MTMR7: variants seen among roughly 807,000 people sequenced by gnomAD.
MTMR7 encodes myotubularin related protein 7.
In MTMR7, 76 loss-of-function variants were observed where a neutral mutation model predicts 81.2. The observed-to-expected ratio is 0.94, with a 90% confidence interval of 0.78 to 1.13. The LOEUF (loss-of-function observed/expected upper bound fraction) is 1.13, where lower values mean the gene tolerates loss of function less well. Among genes scored for constraint, MTMR7 ranks in the 50% most tolerant of loss-of-function variants. The probability of loss-of-function intolerance (pLI) is 0.00; values close to 1 mark genes in which losing one functional copy is unlikely to be tolerated. For synonymous variants in MTMR7, 372 were observed against 289.8 expected (o/e 1.28, Z -2.88); for missense variants, 1,044 against 820.0 (o/e 1.27, Z -3.34).
chr8:17,390,987 A>C (rs1821090011), intron 1 of MTMR7, among the ~76,000 whole-genome samples: 1 of 152,212 alleles, frequency 6.6e-6, no homozygotes. Flanking sequence ...CTTCTCTAAT[A>C]ACATAATTAG....
rs375710698 is a variant in MTMR7, at chr8:17,390,460, T to C, written c.25-17220A>G. 4.7e-4 allele frequency among the ~76,000 whole-genome samples: 71 copies of C among 152,230 alleles called. 1 individual carries two copies. The highest frequency in any genetic ancestry group is 1.6e-3 in the African/African-American group (68 of 41,542). On this transcript the variant is annotated intron_variant, in intron 1 of 13. Coordinates refer to ENST00000180173, the MANE Select transcript of MTMR7 (RefSeq NM_004686.5). The stretch of plus-strand genomic sequence containing the variant: ...CTCCCACCAGGCCCAACCGCTAACA[T>C]TGGGGATTACAATTTGGCATAAGAT...
chr8:17,403,221 T>C (rs182091018), intron 1 of MTMR7, among the ~76,000 whole-genome samples: 1 of 152,362 alleles, frequency 6.6e-6, no homozygotes, highest in East Asian at 1.9e-4. Flanking sequence ...TTGTTGGTTG[T>C]TTCCTTTGCT....
intron 1 of MTMR7, among the ~76,000 whole-genome samples, chr8:17,390,774 G>C (rs571189173): frequency 6.6e-6 from 1 of 152,252 alleles, no homozygotes; most frequent in African/African-American, 2.4e-5. Flanking sequence ...AGAATGAAAG[G>C]GGAAGAGCCC....
intron 1 of MTMR7, among the ~76,000 whole-genome samples, chr8:17,399,160 G>A (rs1035472221): frequency 1.3e-5 from 2 of 151,220 alleles, no homozygotes; most frequent in Admixed American, 1.3e-4. Context: ...AAAAAATAAA[G>A]AGCATCCAAA....
At chr8:17,359,403 G>C (rs747769960) in intron 4 of MTMR7, among the ~76,000 whole-genome samples, 10 of 151,892 alleles carry the variant, frequency 6.6e-5, no homozygotes, top group Non-Finnish European at 1.3e-4. Flanking sequence ...TTCGAGACCA[G>C]CCTGAGCAAC....
rs762977989 is a variant in MTMR7, at chr8:17,305,924, G to A, written c.1185C>T (p.Ile395=). Reference sequence around the variant, plus strand: ...CAATGAACTGGTCAATAACTGGAGAGATTTCTTTTGGGTCACCATCTAGAT... The same window carrying A: ...CAATGAACTGGTCAATAACTGGAGAAATTTCTTTTGGGTCACCATCTAGAT... ...YGNLDGDPKE[I]SPVIDQFIEC... is the part of the protein sequence containing the mutation. Residue 395 remains isoleucine (I), a synonymous_variant, in exon 11 of 14, where the codon ATC becomes ATT. Coordinates refer to ENST00000180173, the MANE Select transcript of MTMR7 (RefSeq NM_004686.5). 1.2e-6 allele frequency: 2 copies of A among 1,613,412 alleles called. No individual in the cohort carries two copies.
chr8:17,370,354 C>A (rs1049996337), intron 3 of MTMR7, among the ~76,000 whole-genome samples: 5 of 151,804 alleles, frequency 3.3e-5, no homozygotes, highest in African/African-American at 1.2e-4. Flanking sequence ...AACCCCACCT[C>A]TACTAAAAAT....
rs571834985 is a variant in MTMR7, at chr8:17,311,787, A to G, written c.976-151T>C. 7 of 1,250,484 alleles carry G rather than the reference A, an allele frequency of 5.6e-6. No homozygotes were observed. The East Asian group carries it at 1.6e-4, about 29-fold the overall frequency. 77.5% of individuals were successfully genotyped at this position (1,250,484 alleles called of 1,614,324 possible). On this transcript the variant is annotated intron_variant, in intron 8 of 13. Transcript: ENST00000180173. ...CGTCTGTTTAGGGCCCCCCCTAATT[A>G]GGGCAGAGCCAGAGTGGCCTGGTGC... is the stretch of plus-strand genomic sequence containing the variant.
intron 5 of MTMR7, 134 bp from the exon 6 acceptor site, chr8:17,341,631 C>T: frequency 9.0e-7 from 1 of 1,105,004 alleles, no homozygotes; most frequent in Non-Finnish European, 1.3e-6. Flanking sequence ...CGTGATACAG[C>T]TTTCTGGAAA....
intron 1 of MTMR7, among the ~76,000 whole-genome samples, chr8:17,385,468 T>C (rs1024479216): frequency 1.3e-5 from 2 of 152,170 alleles, no homozygotes; most frequent in Non-Finnish European, 2.9e-5. Flanking sequence ...AAAGGGAGCT[T>C]CCCTGCATAA....
intron 1 of MTMR7, among the ~76,000 whole-genome samples, chr8:17,384,901 G>A (rs542444185): frequency 1.2e-3 from 176 of 152,142 alleles, no homozygotes; most frequent in Non-Finnish European, 2.1e-3. Flanking sequence ...AGAGATTAGA[G>A]AAGAATTGAG....
At chr8:17,375,859 C>T (rs1334815713) in intron 1 of MTMR7, among the ~76,000 whole-genome samples, 5 of 152,144 alleles carry the variant, frequency 3.3e-5, no homozygotes, top group African/African-American at 1.2e-4. Context: ...ATGGAGACTA[C>T]AGTCACTCTT....
At chr8:17,402,571 G>T (rs143962297) in intron 1 of MTMR7, among the ~76,000 whole-genome samples, 1 of 152,290 alleles carries the variant, frequency 6.6e-6, no homozygotes, top group Non-Finnish European at 1.5e-5. Context: ...TCCCATCCAT[G>T]TTGCTGCAAA....
chr8:17,346,016 G>C (rs1819541225), intron 5 of MTMR7: 1 of 152,184 alleles, frequency 6.6e-6, no homozygotes, highest in South Asian at 2.1e-4. Context: ...ATGTGTACCT[G>C]TTTACTTTTT....
In MTMR7 at chr8:17,349,017, C is replaced by G. The variant is rs764961795; in HGVS notation, c.533G>C (p.Gly178Ala). Residue 178 changes from glycine (G) to alanine (A), a missense_variant, in exon 5 of 14, where the codon GGG becomes GCG. Transcript: ENST00000180173. ...PKSATAHIIV[G>A]SSKFRSRRRF... ...CCGTCTACTCCGGAATTTGGAACTC[C>G]CCACTATGATGTGTGCCGTGGCCGA... The G allele has an allele frequency of 1.2e-6, 2 of 1,612,988 alleles. No individual in the cohort carries two copies.
At chr8:17,327,587 T>C (rs1818751225) in intron 7 of MTMR7, among the ~76,000 whole-genome samples, 2 of 152,106 alleles carry the variant, frequency 1.3e-5, no homozygotes, top group African/African-American at 4.8e-5. Flanking sequence ...CCTTCCTGTA[T>C]CTTTATTTTT....
chr8:17,323,926 A>C (rs1042893989), intron 7 of MTMR7, among the ~76,000 whole-genome samples: 1 of 152,222 alleles, frequency 6.6e-6, no homozygotes, highest in Non-Finnish European at 1.5e-5. Flanking sequence ...TCTGAAGGTG[A>C]ACATTTTAAA....
chr8:17,389,588 T>C (rs1821043405), intron 1 of MTMR7, among the ~76,000 whole-genome samples: 1 of 152,198 alleles, frequency 6.6e-6, no homozygotes, highest in Non-Finnish European at 1.5e-5. Context: ...GTTCAATGAA[T>C]GAAAATTAAC....
intron 6 of MTMR7, among the ~76,000 whole-genome samples, chr8:17,335,489 C>T (rs1403982797): frequency 6.6e-6 from 1 of 152,166 alleles, no homozygotes; most frequent in Non-Finnish European, 1.5e-5. Flanking sequence ...TGCCTTAGTC[C>T]TCAAGTCTAC....
Sources: allele counts gnomAD v4.1 joint callset (sites outside exome capture counted in the v4.1 genomes callset), GRCh38; gene constraint gnomAD v4.1.1; transcripts MANE v1.5; gene names NCBI Gene and HGNC (gene_info 2026-07-23, HGNC 2026-07-21).